AKAP6: variants seen among roughly 807,000 people sequenced by gnomAD.
AKAP6 encodes the protein A-kinase anchoring protein 6, also known as A-kinase anchor protein 6.
Under a neutral mutation model 188.5 loss-of-function variants are expected in AKAP6, and 58 were observed. That is an observed-to-expected ratio of 0.31 (90% CI 0.25 to 0.38). AKAP6 has a LOEUF of 0.38. Ranked by LOEUF, AKAP6 falls within the 10% of genes least tolerant of loss-of-function variation. AKAP6 has a pLI of 1.00. For missense variants in AKAP6, 2,710 were observed against 2,740.0 expected (o/e 0.99, Z 0.24); for synonymous variants, 989 against 998.6 (o/e 0.99, Z 0.18).
intron 8 of AKAP6, among the ~76,000 whole-genome samples, chr14:32,691,346 C>G (rs1396840414): frequency 1.3e-5 from 2 of 152,280 alleles, no homozygotes; most frequent in African/African-American, 4.8e-5. Context: ...ATGATCTTCT[C>G]TGTTTTCCTG....
At chr14:32,353,346 G>A (rs1785877138) in intron 1 of AKAP6, among the ~76,000 whole-genome samples, 1 of 151,092 alleles carries the variant, frequency 6.6e-6, no homozygotes, top group African/African-American at 2.4e-5. Context: ...GCAGACATGA[G>A]GTCAGGAGAT....
intron 11 of AKAP6, 120 bp from the exon 12 acceptor site, chr14:32,773,558 C>A: frequency 1.1e-6 from 1 of 937,580 alleles, no homozygotes; most frequent in Non-Finnish European, 1.6e-6. Context: ...CTCTTCTTGT[C>A]CTATTGTTGG....
chr14:32,664,007 C>A (rs576555343), intron 7 of AKAP6, among the ~76,000 whole-genome samples: 1 of 151,870 alleles, frequency 6.6e-6, no homozygotes, highest in Admixed American at 6.6e-5. Flanking sequence ...AGTTTTCACT[C>A]TAGCCCAAAA....
intron 1 of AKAP6, among the ~76,000 whole-genome samples, chr14:32,430,790 C>T (rs1343571551): frequency 1.3e-5 from 2 of 152,080 alleles, no homozygotes; most frequent in South Asian, 2.1e-4. Context: ...GGCAGTGGGT[C>T]GATTAATAAT....
At chr14:32,825,786 G>T (rs374756151) in intron 13 of AKAP6, among the ~76,000 whole-genome samples, 2 of 152,064 alleles carry the variant, frequency 1.3e-5, no homozygotes, top group African/African-American at 4.8e-5. Context: ...CACTCCAGAA[G>T]CTTAATGCCG....
At position 32,823,839 on chromosome 14, in the gene AKAP6, C is replaced by T. The variant is rs767126152; in HGVS notation, c.6026C>T (p.Pro2009Leu). Reference protein sequence around the residue: ...SDALKSSDDAPSMAGKSAGCC... With the variant: ...SDALKSSDDALSMAGKSAGCC... The stretch of plus-strand genomic sequence containing the variant: ...GCACTGAAATCATCTGATGATGCAC[C>T]GAGTATGGCTGGAAAATCTGCTGGT... The change falls in exon 13 of 14, where the codon CCG becomes CTG. Residue 2009 changes from proline to leucine, a missense_variant. By Grantham distance (98) the Pro-to-Leu change is moderately conservative. Around this residue, in one of 2 missense-constraint regions of AKAP6, gnomAD observed 2,473 missense variants for 2,426.1 expected, o/e 1.02. Coordinates refer to ENST00000280979, the MANE Select transcript of AKAP6 (RefSeq NM_004274.5). The T allele has an allele frequency of 2.2e-5, 35 of 1,613,300 alleles. No individual in the cohort carries two copies. Among genetic ancestry groups the T allele is most frequent in the Middle Eastern group, 1.6e-4 (1 of 6,080 alleles).
At chr14:32,672,271 G>C (rs1354197058) in intron 7 of AKAP6, among the ~76,000 whole-genome samples, 1 of 152,196 alleles carries the variant, frequency 6.6e-6, no homozygotes, top group African/African-American at 2.4e-5. Context: ...TGCTGTTATT[G>C]ATAAATAGCA....
At chr14:32,670,106 A>G (rs12431797) in intron 7 of AKAP6, among the ~76,000 whole-genome samples, 13 of 150,080 alleles carry the variant, frequency 8.7e-5, no homozygotes, top group Admixed American at 2.6e-4. Flanking sequence ...CAAAAAAAAA[A>G]AAAAAAAGCC....
chr14:32,517,560 C>G (rs1021188795), intron 2 of AKAP6, among the ~76,000 whole-genome samples: 3 of 152,220 alleles, frequency 2.0e-5, no homozygotes, highest in Non-Finnish European at 4.4e-5. Context: ...CTGCTTCTGG[C>G]TCAGAGGGTC....
chr14:32,475,439 G>A (rs1473256619), intron 2 of AKAP6, among the ~76,000 whole-genome samples: 2 of 152,142 alleles, frequency 1.3e-5, no homozygotes, highest in African/African-American at 4.8e-5. Flanking sequence ...TTTGTTGTGG[G>A]TTCTTATTTT....
At chr14:32,447,749 C>A (rs1358283487) in intron 2 of AKAP6, among the ~76,000 whole-genome samples, 1 of 152,198 alleles carries the variant, frequency 6.6e-6, no homozygotes, top group Non-Finnish European at 1.5e-5. Context: ...TTATGCATCT[C>A]CCTCCATCTT....
intron 1 of AKAP6, among the ~76,000 whole-genome samples, chr14:32,343,752 A>G (rs1886972289): frequency 6.7e-6 from 1 of 148,934 alleles, no homozygotes; most frequent in South Asian, 2.1e-4. Context: ...GTCTCAAAAA[A>G]AAAAAAAAAA....
chr14:32,498,519 T>G (rs1880442364), intron 2 of AKAP6, among the ~76,000 whole-genome samples: 1 of 152,140 alleles, frequency 6.6e-6, no homozygotes, highest in Non-Finnish European at 1.5e-5. Context: ...CAGAACTTAT[T>G]TTAGATATTG....
intron 7 of AKAP6, among the ~76,000 whole-genome samples, chr14:32,673,085 T>C (rs1889283457): frequency 6.6e-6 from 1 of 152,244 alleles, no homozygotes; most frequent in South Asian, 2.1e-4. Context: ...TGCCACATCC[T>C]TTCACAACTC....
intron 11 of AKAP6, among the ~76,000 whole-genome samples, chr14:32,769,036 G>GTTTTTTTTTTTTTTTTTTTTTT (rs1566698267): frequency 5.4e-5 from 1 of 18,506 alleles, no homozygotes; most frequent in Non-Finnish European, 1.3e-4. Flanking sequence ...CTGCTCTTTT[G>GTTTTTTTTTTTTTTTTTTTTTT]ATTTTTTTTT....
intron 1 of AKAP6, among the ~76,000 whole-genome samples, chr14:32,332,219 G>A (rs752837459): frequency 6.6e-6 from 1 of 152,078 alleles, no homozygotes; most frequent in Non-Finnish European, 1.5e-5. Context: ...ATCTGGCTAT[G>A]CAGCACACAT....
At chr14:32,669,511 C>T (rs1029738627) in intron 7 of AKAP6, among the ~76,000 whole-genome samples, 1 of 152,036 alleles carries the variant, frequency 6.6e-6, no homozygotes, top group Admixed American at 6.6e-5. Flanking sequence ...AGCAAAAACA[C>T]ACAAAATAAA....
chr14:32,601,481 C>T lies in AKAP6; in HGVS notation c.2730+689C>T, dbSNP rs541114791. Among the ~76,000 whole-genome samples, 12 of 152,274 alleles carry T rather than the reference C, an allele frequency of 7.9e-5. No homozygotes were observed. In the South Asian group the frequency reaches 2.5e-3, roughly 32 times the overall value. ...ACTTTAAATGAGGCACCTTTTGATA[C>T]AGACTGGCACTGTTCTAAAGGTATC... On this transcript the variant is annotated intron_variant, in intron 7 of 13. Transcript: ENST00000280979.
intron 7 of AKAP6, among the ~76,000 whole-genome samples, chr14:32,666,203 GT>G (rs1888926702): frequency 6.6e-6 from 1 of 151,860 alleles, no homozygotes; most frequent in Non-Finnish European, 1.5e-5. Flanking sequence ...TCTATTATAA[GT>G]TTTAAAATGG....
Sources: gnomAD v4.1 joint callset for allele counts (sites outside exome capture counted in the v4.1 genomes callset) on GRCh38, gnomAD v4.1.1 for gene constraint, gnomAD v4.1.1 regional missense constraint, MANE v1.5 for transcripts, NCBI Gene and HGNC (gene_info 2026-07-23, HGNC 2026-07-21) for gene names.